Variants in TRIM14 observed in about 807,000 individuals in gnomAD.
TRIM14 encodes tripartite motif containing 14.
TRIM14 carries 28 observed loss-of-function variants against 44.5 expected under a neutral mutation model. The ratio of observed to expected loss-of-function variants is 0.63; its 90% CI spans 0.47 to 0.86. TRIM14 has a LOEUF of 0.86. Ranked by LOEUF, TRIM14 falls within the 40% of genes least tolerant of loss-of-function variation. TRIM14 has a pLI of 0.00. For synonymous variants in TRIM14, 299 were observed against 269.2 expected, an observed-to-expected ratio of 1.11 and a Z score of -1.08; for missense variants, 607 against 611.1, an observed-to-expected ratio of 0.99 and a Z score of 0.07.
At chr9:98,092,858 C>T (rs563994115) in intron 4 of TRIM14, among the ~76,000 whole-genome samples, 1 of 152,328 alleles carries the variant, frequency 6.6e-6, no homozygotes, top group African/African-American at 2.4e-5. Context: ...AATCTTCTTC[C>T]ACCACGTGGC....
At chr9:98,110,284 CT>C in intron 1 of TRIM14, 1 of 372,318 alleles carries the variant, frequency 2.7e-6, no homozygotes, top group Admixed American at 4.3e-5. Context: ...TCAAGTGGGA[CT>C]TTAAGGCAAA....
intron 2 of TRIM14, among the ~76,000 whole-genome samples, chr9:98,105,740 G>A (rs1366273599): frequency 1.3e-5 from 2 of 152,174 alleles, no homozygotes; most frequent in African/African-American, 4.8e-5. Context: ...AGCCACAATG[G>A]GGCCTGGCCA....
At chr9:98,104,528 A>G (rs897010008) in intron 2 of TRIM14, among the ~76,000 whole-genome samples, 1 of 152,160 alleles carries the variant, frequency 6.6e-6, no homozygotes, top group African/African-American at 2.4e-5. Flanking sequence ...AGGGGTAGAG[A>G]GAGAGAGGGA....
chr9:98,055,408 A>G, the TRIM14 span, among the ~76,000 whole-genome samples: 4 of 152,202 alleles, frequency 2.6e-5, no homozygotes, highest in African/African-American at 4.8e-5. Flanking sequence ...AGATAAAATC[A>G]TAGAAAGTCA....
chr9:98,036,935 G>A, the TRIM14 span, among the ~76,000 whole-genome samples: 1 of 152,370 alleles, frequency 6.6e-6, no homozygotes, highest in South Asian at 2.1e-4. Flanking sequence ...TCAGGCAGAG[G>A]CCTGACCTGA....
At chr9:98,099,715 G>A (rs1055777743) in intron 3 of TRIM14, among the ~76,000 whole-genome samples, 1 of 152,160 alleles carries the variant, frequency 6.6e-6, no homozygotes, top group African/African-American at 2.4e-5. Flanking sequence ...GAAATTGGTG[G>A]CTGTTAATAT....
intron 1 of TRIM14, among the ~76,000 whole-genome samples, chr9:98,118,071 G>A (rs180901149): frequency 5.0e-4 from 76 of 152,210 alleles, no homozygotes; most frequent in East Asian, 7.7e-4. Flanking sequence ...ATGCAGTACC[G>A]GAGAAAGGCT....
At chr9:98,113,307 G>A (rs966916265) in intron 1 of TRIM14, among the ~76,000 whole-genome samples, 1 of 152,034 alleles carries the variant, frequency 6.6e-6, no homozygotes, top group African/African-American at 2.4e-5. Flanking sequence ...ATCTTGTGTA[G>A]TCAAAGCTGA....
the TRIM14 span, among the ~76,000 whole-genome samples, chr9:98,046,297 C>A: frequency 6.6e-6 from 1 of 152,232 alleles, no homozygotes; most frequent in South Asian, 2.1e-4. Context: ...CGAAGTCTTA[C>A]AGAAATGGTG....
At chr9:98,063,845 T>G in the TRIM14 span, among the ~76,000 whole-genome samples, 2 of 150,546 alleles carry the variant, frequency 1.3e-5, no homozygotes, top group Non-Finnish European at 3.0e-5. Context: ...ACCCAGCCTG[T>G]TTTTTTGTGC....
intron 1 of TRIM14, among the ~76,000 whole-genome samples, chr9:98,117,641 G>A (rs1827102771): frequency 6.6e-6 from 1 of 152,146 alleles, no homozygotes; most frequent in South Asian, 2.1e-4. Context: ...TTTAGGAACT[G>A]CTTCTTCTTT....
At chr9:98,093,197 CT>C (rs1297438764) in intron 4 of TRIM14, among the ~76,000 whole-genome samples, 1 of 152,176 alleles carries the variant, frequency 6.6e-6, no homozygotes, top group Non-Finnish European at 1.5e-5. Context: ...CCTCTCTCCC[CT>C]GTGACCCTAC....
the TRIM14 span, among the ~76,000 whole-genome samples, chr9:98,045,727 A>G: frequency 1.3e-5 from 2 of 152,208 alleles, no homozygotes; most frequent in African/African-American, 4.8e-5. Context: ...GGTCAGAAAC[A>G]GGATCTGAAG....
chr9:98,094,407 G>A (rs1374211588), intron 4 of TRIM14, among the ~76,000 whole-genome samples: 17 of 152,310 alleles, frequency 1.1e-4, no homozygotes, highest in Admixed American at 1.0e-3. Context: ...AGCAGGACAT[G>A]GGCAGGCCCT....
chr9:98,083,408 G>A (rs1829978064), downstream of TRIM14, among the ~76,000 whole-genome samples: 1 of 152,214 alleles, frequency 6.6e-6, no homozygotes, highest in Non-Finnish European at 1.5e-5. Context: ...TTTCCTTTAA[G>A]CCTTCATTCT....
At chr9:98,046,226 T>A in the TRIM14 span, among the ~76,000 whole-genome samples, 1 of 152,130 alleles carries the variant, frequency 6.6e-6, no homozygotes, top group Non-Finnish European at 1.5e-5. Context: ...GATACTTAAT[T>A]TCTGAAGAAC....
At chr9:98,105,047 G>A (rs1421786722) in intron 2 of TRIM14, among the ~76,000 whole-genome samples, 3 of 152,194 alleles carry the variant, frequency 2.0e-5, no homozygotes, top group Admixed American at 1.3e-4. Context: ...CCCAGCAGGG[G>A]CAATGGACAC....
At chr9:98,061,678 G>A in the TRIM14 span, among the ~76,000 whole-genome samples, 1 of 150,910 alleles carries the variant, frequency 6.6e-6, no homozygotes, top group Non-Finnish European at 1.5e-5. Context: ...TACTTGGGAG[G>A]CTGAGGCAGG....
the TRIM14 span, among the ~76,000 whole-genome samples, chr9:98,061,790 AAATT>A: frequency 6.6e-6 from 1 of 151,628 alleles, no homozygotes; most frequent in Admixed American, 6.6e-5. Context: ...AAAAAAAAAA[AAATT>A]AATAATAATA....
Sources: gnomAD v4.1 joint callset for allele counts (sites outside exome capture counted in the v4.1 genomes callset) on GRCh38, gnomAD v4.1.1 for gene constraint, MANE v1.5 for transcripts, NCBI Gene and HGNC (gene_info 2026-07-23, HGNC 2026-07-21) for gene names.